IGSF21: variants seen among roughly 807,000 people sequenced by gnomAD.
The protein encoded by IGSF21 is immunoglobin superfamily member 21, also known as immunoglobulin superfamily member 21.
A neutral mutation model predicts 46.8 loss-of-function variants in IGSF21; 28 were observed. The observed-to-expected ratio is 0.60, with a 90% CI of 0.44 to 0.82. The LOEUF is 0.82. IGSF21 is among the 40% of genes least tolerant of loss of function. The pLI is 0.00. For missense variants in IGSF21, 624 were observed against 665.5 expected, an observed-to-expected ratio of 0.94 and a Z score of 0.69; for synonymous variants, 284 against 273.6, an observed-to-expected ratio of 1.04 and a Z score of -0.38.
intron 2 of IGSF21, among the ~76,000 whole-genome samples, chr1:18,253,365 C>CACTGG (rs2084860688): frequency 6.6e-6 from 1 of 152,176 alleles, no homozygotes; most frequent in South Asian, 2.1e-4. Context: ...GAATCAAATT[C>CACTGG]ACTGGGAGCA....
chr1:18,319,427 C>G (rs949763359), intron 3 of IGSF21, among the ~76,000 whole-genome samples: 1 of 152,154 alleles, frequency 6.6e-6, no homozygotes, highest in African/African-American at 2.4e-5. Flanking sequence ...AACCATGTGT[C>G]CAGGAAACTA....
At chr1:18,273,632 G>A (rs1028906908) in intron 2 of IGSF21, among the ~76,000 whole-genome samples, 1 of 149,746 alleles carries the variant, frequency 6.7e-6, no homozygotes. Flanking sequence ...GGGTTTTTTT[G>A]TTGTTGCTGT....
intron 2 of IGSF21, among the ~76,000 whole-genome samples, chr1:18,287,760 TA>T (rs1557626045): frequency 6.6e-6 from 1 of 152,174 alleles, no homozygotes; most frequent in Non-Finnish European, 1.5e-5. Flanking sequence ...CGATGACTAC[TA>T]GCAAATTCTC....
rs529911561 is a variant in IGSF21, at chr1:18,128,517, C to T, written c.70+20319C>T. ...GGGAATCTGTCACTGGTAATTCCCT[C>T]CCACCAGTGATGCAAGCTCAGCTGG... On this transcript the variant is annotated intron_variant, in intron 1 of 9. Transcript: ENST00000251296. Among the ~76,000 whole-genome samples, 3 of 152,292 alleles carry T rather than the reference C, an allele frequency of 2.0e-5. No individual in the cohort carries two copies. The South Asian group carries it at 6.2e-4, about 32-fold the overall frequency.
chr1:18,210,594 C>T (rs756808078), intron 1 of IGSF21, among the ~76,000 whole-genome samples: 22 of 152,102 alleles, frequency 1.4e-4, no homozygotes, highest in Non-Finnish European at 2.9e-5. Flanking sequence ...CGTGCATACC[C>T]CCCTGAAGTT....
intron 3 of IGSF21, among the ~76,000 whole-genome samples, chr1:18,324,565 C>T (rs573442796): frequency 1.1e-4 from 17 of 152,206 alleles, no homozygotes; most frequent in Non-Finnish European, 1.8e-4. Context: ...GCATAAATCA[C>T]CTCCCTGTCT....
At chr1:18,361,562 C>T (rs185324009) in intron 4 of IGSF21, 1 of 153,894 alleles carries the variant, frequency 6.5e-6, no homozygotes, top group East Asian at 1.9e-4. Context: ...GCCTGCCCCG[C>T]TCTGTCCTGG....
chr1:18,327,666 A>T (rs2085670935), intron 3 of IGSF21, among the ~76,000 whole-genome samples: 1 of 152,228 alleles, frequency 6.6e-6, no homozygotes, highest in South Asian at 2.1e-4. Flanking sequence ...TTGTGATTCC[A>T]TTTATATAAA....
intron 1 of IGSF21, among the ~76,000 whole-genome samples, chr1:18,197,909 C>A (rs1023895894): frequency 1.3e-5 from 2 of 152,154 alleles, no homozygotes; most frequent in Non-Finnish European, 2.9e-5. Flanking sequence ...TGGCCACTGG[C>A]TTCTATAAGA....
chr1:18,221,232 C>T (rs920456656), intron 1 of IGSF21, among the ~76,000 whole-genome samples: 12 of 152,112 alleles, frequency 7.9e-5, no homozygotes, highest in Admixed American at 4.6e-4. Context: ...CCATGGACCA[C>T]GGTGAAGTTA....
At chr1:18,361,115 A>AT (rs2086095807) in intron 4 of IGSF21, among the ~76,000 whole-genome samples, 1 of 151,986 alleles carries the variant, frequency 6.6e-6, no homozygotes, top group East Asian at 1.9e-4. Flanking sequence ...CCTGGCCACA[A>AT]ATAGCTGTCC....
At chr1:18,354,469 C>T (rs2085993768) in intron 4 of IGSF21, among the ~76,000 whole-genome samples, 1 of 152,084 alleles carries the variant, frequency 6.6e-6, no homozygotes, top group African/African-American at 2.4e-5. Context: ...TTCATGGACA[C>T]TTTTATATTA....
intron 4 of IGSF21, among the ~76,000 whole-genome samples, chr1:18,345,113 C>T (rs964824148): frequency 2.0e-5 from 3 of 152,202 alleles, no homozygotes; most frequent in African/African-American, 7.2e-5. Context: ...CTGGACAAGC[C>T]CATTCCCAAG....
intron 4 of IGSF21, among the ~76,000 whole-genome samples, chr1:18,341,670 T>C (rs1274583361): frequency 1.3e-5 from 2 of 152,220 alleles, no homozygotes; most frequent in Non-Finnish European, 2.9e-5. Flanking sequence ...GTCACTTCCC[T>C]ACATCACCCA....
At chr1:18,282,262 C>T (rs2085168213) in intron 2 of IGSF21, among the ~76,000 whole-genome samples, 1 of 152,146 alleles carries the variant, frequency 6.6e-6, no homozygotes, top group African/African-American at 2.4e-5. Flanking sequence ...GGACTGCATT[C>T]AGAAGTCACT....
chr1:18,159,700 T>TTTTA (rs2086599366), intron 1 of IGSF21, among the ~76,000 whole-genome samples: 1 of 150,986 alleles, frequency 6.6e-6, no homozygotes, highest in Admixed American at 6.6e-5. Context: ...TTTTTTTTTT[T>TTTTA]GAGAGAGAGT....
chr1:18,218,298 A>C (rs2084473514), intron 1 of IGSF21, among the ~76,000 whole-genome samples: 1 of 152,214 alleles, frequency 6.6e-6, no homozygotes, highest in Non-Finnish European at 1.5e-5. Flanking sequence ...TTATCAAGAG[A>C]GCAGCAAGGG....
At chr1:18,255,397 T>G (rs1385568579) in intron 2 of IGSF21, among the ~76,000 whole-genome samples, 1 of 152,154 alleles carries the variant, frequency 6.6e-6, no homozygotes, top group Non-Finnish European at 1.5e-5. Context: ...CTCTGCCTGT[T>G]GCAATGCTGT....
intron 1 of IGSF21, among the ~76,000 whole-genome samples, chr1:18,220,921 C>T (rs1316356376): frequency 6.6e-6 from 1 of 152,140 alleles, no homozygotes; most frequent in Non-Finnish European, 1.5e-5. Context: ...CCAGATCTCC[C>T]TGCTGGGAGG....
Sources: gnomAD v4.1 joint callset for allele counts (sites outside exome capture counted in the v4.1 genomes callset) on GRCh38, gnomAD v4.1.1 for gene constraint, MANE v1.5 for transcripts, NCBI Gene and HGNC (gene_info 2026-07-23, HGNC 2026-07-21) for gene names.